Variants in ENOX1 observed in about 807,000 individuals in gnomAD.
ENOX1 encodes ecto-NOX disulfide-thiol exchanger 1.
ENOX1 carries 42 observed loss-of-function variants against 82.5 expected under a neutral mutation model. The observed-to-expected ratio is 0.51, with a 90% CI of 0.40 to 0.66. The LOEUF (loss-of-function observed/expected upper bound fraction) is 0.66, where lower values mean the gene tolerates loss of function less well. Ranked by LOEUF, ENOX1 falls within the 30% of genes least tolerant of loss-of-function variation. The pLI is 0.00. For missense variants in ENOX1, 608 were observed against 811.6 expected (o/e 0.75, Z 3.05); for synonymous variants, 271 against 282.2 (o/e 0.96, Z 0.40).
At chr13:43,382,072 A>C (rs765116182) in intron 5 of ENOX1, among the ~76,000 whole-genome samples, 38 of 152,106 alleles carry the variant, frequency 2.5e-4, no homozygotes, top group Non-Finnish European at 5.4e-4. Context: ...AGAAAGAAAA[A>C]CTATAGACAA....
chr13:43,518,857 A>T (rs1400008967), intron 2 of ENOX1, among the ~76,000 whole-genome samples: 3 of 152,196 alleles, frequency 2.0e-5, no homozygotes. Flanking sequence ...TGTGTAATAC[A>T]CACACTCCAC....
chr13:43,421,163 T>C (rs202196817), intron 3 of ENOX1, among the ~76,000 whole-genome samples: 1 of 152,180 alleles, frequency 6.6e-6, no homozygotes, highest in Non-Finnish European at 1.5e-5. Flanking sequence ...GAGAACCCTA[T>C]AGCACTTAGT....
chr13:43,280,921 GAAGTTTGCTCCTTCCCCC>G (rs1222092394), intron 12 of ENOX1, among the ~76,000 whole-genome samples: 3 of 152,138 alleles, frequency 2.0e-5, no homozygotes, highest in Non-Finnish European at 2.9e-5. Flanking sequence ...AGAGGGAGAG[GAAGTTTGCTCCTTCCCCC>G]AAAGTTTCCA....
intron 9 of ENOX1, among the ~76,000 whole-genome samples, chr13:43,335,422 A>T (rs922148574): frequency 6.6e-5 from 10 of 152,018 alleles, no homozygotes; most frequent in East Asian, 3.9e-4. Context: ...CTTTGTAAAA[A>T]TTTTTTTTAT....
chr13:43,758,827 T>C (rs921084319), intron 1 of ENOX1, among the ~76,000 whole-genome samples: 2 of 152,180 alleles, frequency 1.3e-5, no homozygotes, highest in Admixed American at 6.5e-5. Flanking sequence ...TAGTGCATGA[T>C]TAGTATTCAA....
chr13:43,491,164 G>A (rs2076605157), intron 2 of ENOX1, among the ~76,000 whole-genome samples: 1 of 152,146 alleles, frequency 6.6e-6, no homozygotes, highest in Non-Finnish European at 1.5e-5. Context: ...GACAGCAGGG[G>A]CAAGAGAGAA....
Position 43,259,171 on chromosome 13 carries a change from G to GGAA in ENOX1, c.1611+6224_1611+6226dup, listed in dbSNP as rs371298133. On this transcript the variant is annotated intron_variant, in intron 14 of 16. Coordinates refer to ENST00000690772, the MANE Select transcript of ENOX1 (RefSeq NM_001347969.2). ...CCTTAATTTTGGAGGTGAACAAAAT[G>GGAA]GAAGTGCAGGGGTTCAGTGTATGGC... is the stretch of plus-strand genomic sequence containing the variant. Among the ~76,000 whole-genome samples the GGAA allele has an allele frequency of 1.7e-3, 264 of 152,278 alleles. 1 individual carries two copies. Among genetic ancestry groups the GGAA allele is most frequent in the African/African-American group, 6.2e-3 (256 of 41,560 alleles).
intron 11 of ENOX1, among the ~76,000 whole-genome samples, chr13:43,313,605 T>C (rs997733107): frequency 2.6e-5 from 4 of 152,178 alleles, no homozygotes; most frequent in African/African-American, 7.2e-5. Context: ...AAAAATCACT[T>C]GTAATTACAC....
intron 1 of ENOX1, among the ~76,000 whole-genome samples, chr13:43,781,849 C>G (rs1952287989): frequency 6.6e-6 from 1 of 152,190 alleles, no homozygotes; most frequent in Non-Finnish European, 1.5e-5. Context: ...GGACCTTAAA[C>G]TCTATGTGTA....
chr13:43,740,069 G>A (rs551770574), intron 1 of ENOX1, among the ~76,000 whole-genome samples: 170 of 126,000 alleles, frequency 1.3e-3, no homozygotes, highest in South Asian at 0.01. Context: ...GCAAGTGGTC[G>A]GTGCCCCTAA....
At chr13:43,343,876 T>C (rs1360623792) in intron 9 of ENOX1, among the ~76,000 whole-genome samples, 1 of 152,016 alleles carries the variant, frequency 6.6e-6, no homozygotes, top group East Asian at 1.9e-4. Context: ...ATATACGCCC[T>C]TTTTTTGAAT....
At chr13:43,453,856 A>C (rs1409791001) in intron 3 of ENOX1, among the ~76,000 whole-genome samples, 1 of 152,218 alleles carries the variant, frequency 6.6e-6, no homozygotes, top group African/African-American at 2.4e-5. Context: ...TAGGTGTTGT[A>C]CAGGAAACAT....
intron 8 of ENOX1, among the ~76,000 whole-genome samples, chr13:43,351,976 C>T (rs1170961151): frequency 1.3e-5 from 2 of 152,114 alleles, no homozygotes; most frequent in African/African-American, 2.4e-5. Context: ...TTCATATTTC[C>T]CTTACTCTAT....
chr13:43,215,577 G>A (rs1040666249), intron 16 of ENOX1, among the ~76,000 whole-genome samples: 2 of 152,154 alleles, frequency 1.3e-5, no homozygotes, highest in Admixed American at 6.5e-5. Flanking sequence ...TTCAGAAAAC[G>A]GTGTGAGCTA....
At chr13:43,329,817 C>G (rs2048324923) in intron 9 of ENOX1, among the ~76,000 whole-genome samples, 1 of 152,130 alleles carries the variant, frequency 6.6e-6, no homozygotes, top group Non-Finnish European at 1.5e-5. Context: ...TTCACACGGC[C>G]CAGTTTTACC....
At chr13:43,568,034 T>C (rs143774812) in intron 2 of ENOX1, among the ~76,000 whole-genome samples, 1 of 152,318 alleles carries the variant, frequency 6.6e-6, no homozygotes, top group Non-Finnish European at 1.5e-5. Context: ...AATGCTCCCA[T>C]ACTATAAAAA....
intron 1 of ENOX1, among the ~76,000 whole-genome samples, chr13:43,752,320 A>T (rs1950367972): frequency 6.6e-6 from 1 of 151,978 alleles, no homozygotes; most frequent in Non-Finnish European, 1.5e-5. Context: ...TTTTCTCCCA[A>T]TCTGTGGTTT....
intron 9 of ENOX1, among the ~76,000 whole-genome samples, chr13:43,337,229 A>G (rs1304858167): frequency 1.3e-5 from 2 of 152,188 alleles, no homozygotes; most frequent in East Asian, 3.9e-4. Context: ...AACAACCAAT[A>G]TTTTTTTTCT....
At chr13:43,607,009 A>C (rs2153734950) in intron 2 of ENOX1, among the ~76,000 whole-genome samples, 1 of 152,298 alleles carries the variant, frequency 6.6e-6, no homozygotes, top group South Asian at 2.1e-4. Flanking sequence ...CCCTGTCTCA[A>C]AAAATACATA....
Sources: gnomAD v4.1 joint callset for allele counts (sites outside exome capture counted in the v4.1 genomes callset) on GRCh38, gnomAD v4.1.1 for gene constraint, MANE v1.5 for transcripts, NCBI Gene and HGNC (gene_info 2026-07-23, HGNC 2026-07-21) for gene names.